Variants in KCNMA1 observed in about 807,000 individuals in gnomAD.
KCNMA1 encodes potassium calcium-activated channel subfamily M alpha 1.
KCNMA1 carries 29 observed loss-of-function variants against 140.0 expected under a neutral mutation model. The ratio of observed to expected loss-of-function variants is 0.21; its 90% CI spans 0.15 to 0.28. KCNMA1 has a LOEUF of 0.28. Ranked by LOEUF, KCNMA1 falls within the 10% of genes least tolerant of loss-of-function variation. The probability of loss-of-function intolerance (pLI) is 1.00; values close to 1 mark genes in which losing one functional copy is unlikely to be tolerated. For synonymous variants in KCNMA1, 612 were observed against 611.9 expected (o/e 1.00, Z 0.00); for missense variants, 880 against 1,602.2 (o/e 0.55, Z 7.70).
chr10:77,020,573 G>A (rs1029005230), intron 16 of KCNMA1: 6 of 152,190 alleles, frequency 3.9e-5, no homozygotes, highest in African/African-American at 9.7e-5. Context: ...CTAATAGCAC[G>A]GCCTGCACTG....
At chr10:77,344,789 A>AT (rs1006926287) in intron 2 of KCNMA1, among the ~76,000 whole-genome samples, 3 of 151,958 alleles carry the variant, frequency 2.0e-5, no homozygotes, top group African/African-American at 2.4e-5. Context: ...TTGATTTATT[A>AT]TTTTTTTATA....
At chr10:77,488,237 G>T (rs955828769) in intron 1 of KCNMA1, among the ~76,000 whole-genome samples, 1 of 152,192 alleles carries the variant, frequency 6.6e-6, no homozygotes, top group African/African-American at 2.4e-5. Flanking sequence ...TGTGGCTGTG[G>T]CCAGCTGACT....
intron 14 of KCNMA1, among the ~76,000 whole-genome samples, chr10:77,047,036 G>A (rs190923878): frequency 6.6e-6 from 1 of 152,326 alleles, no homozygotes; most frequent in East Asian, 1.9e-4. Context: ...TCTGAAAGTT[G>A]CTTGGATTTC....
chr10:77,251,565 G>C (rs1485981244), intron 2 of KCNMA1, among the ~76,000 whole-genome samples: 3 of 152,140 alleles, frequency 2.0e-5, no homozygotes, highest in Non-Finnish European at 4.4e-5. Context: ...ATAAACTTCA[G>C]TGGGAAAAAA....
intron 17 of KCNMA1, among the ~76,000 whole-genome samples, chr10:77,017,634 G>T (rs2092302513): frequency 6.6e-6 from 1 of 152,148 alleles, no homozygotes; most frequent in Admixed American, 6.6e-5. Context: ...AGCCAGTATG[G>T]CTTAGTTTGC....
chr10:77,303,837 T>C (rs868758777), intron 2 of KCNMA1, among the ~76,000 whole-genome samples: 24 of 152,244 alleles, frequency 1.6e-4, no homozygotes, highest in Admixed American at 3.3e-4. Flanking sequence ...ACTGTTTCTC[T>C]TTATCAGCAA....
chr10:77,054,559 C>G (rs996337143), intron 14 of KCNMA1, among the ~76,000 whole-genome samples: 1 of 152,104 alleles, frequency 6.6e-6, no homozygotes, highest in African/African-American at 2.4e-5. Context: ...AGTGATGACT[C>G]TTATTCATAG....
chr10:76,873,841 C>T (rs985558169), downstream of KCNMA1: 24 of 152,074 alleles, frequency 1.6e-4, no homozygotes, highest in African/African-American at 5.8e-4. Flanking sequence ...ATGTAAGTAG[C>T]TAAGAGATGG....
intron 16 of KCNMA1, among the ~76,000 whole-genome samples, chr10:77,022,003 A>T (rs1197910161): frequency 6.6e-6 from 1 of 152,230 alleles, no homozygotes; most frequent in Non-Finnish European, 1.5e-5. Context: ...TAAAATGCTA[A>T]TCCCCGTCTT....
chr10:76,999,002 CCT>C (rs1444115042), intron 19 of KCNMA1, among the ~76,000 whole-genome samples: 4 of 152,176 alleles, frequency 2.6e-5, no homozygotes, highest in Admixed American at 2.0e-4. Flanking sequence ...CAAATCGCCC[CCT>C]GAGCTGTCAA....
At chr10:77,627,982 C>A (rs912647427) in intron 1 of KCNMA1, among the ~76,000 whole-genome samples, 1 of 152,130 alleles carries the variant, frequency 6.6e-6, no homozygotes, top group South Asian at 2.1e-4. Context: ...AACCTGAAGC[C>A]CCCAGCCAGC....
At chr10:76,906,556 A>T (rs1281701663) in intron 25 of KCNMA1, among the ~76,000 whole-genome samples, 4 of 152,230 alleles carry the variant, frequency 2.6e-5, no homozygotes, top group Non-Finnish European at 5.9e-5. Flanking sequence ...GAGAATGTTT[A>T]GACACATGAT....
At chr10:77,367,246 T>C (rs921456691) in intron 2 of KCNMA1, among the ~76,000 whole-genome samples, 1 of 152,176 alleles carries the variant, frequency 6.6e-6, no homozygotes, top group South Asian at 2.1e-4. Context: ...GCAGAGAATA[T>C]ACACTGCTGT....
At chr10:77,112,817 T>A (rs757870940) in intron 6 of KCNMA1, among the ~76,000 whole-genome samples, 1 of 151,552 alleles carries the variant, frequency 6.6e-6, no homozygotes, top group South Asian at 2.1e-4. Flanking sequence ...CCGCCCTTTT[T>A]TCTTCTCTTC....
intron 1 of KCNMA1, chr10:77,635,076 C>T (rs1444243419): frequency 6.6e-6 from 1 of 152,198 alleles, no homozygotes; most frequent in Non-Finnish European, 1.5e-5. Context: ...CAACTCACTT[C>T]CAGTTATGTC....
intron 3 of KCNMA1, among the ~76,000 whole-genome samples, chr10:77,191,769 G>A (rs1350255315): frequency 6.6e-6 from 1 of 152,034 alleles, no homozygotes; most frequent in Non-Finnish European, 1.5e-5. Context: ...TGACTCTAAT[G>A]TAAATAGAAA....
chr10:77,004,730 C>T (rs1393098529), intron 18 of KCNMA1, among the ~76,000 whole-genome samples: 1 of 152,086 alleles, frequency 6.6e-6, no homozygotes, highest in African/African-American at 2.4e-5. Context: ...AATTACCACC[C>T]CTCATCTCTC....
At chr10:77,535,774 G>T (rs984106701) in intron 1 of KCNMA1, among the ~76,000 whole-genome samples, 3 of 152,322 alleles carry the variant, frequency 2.0e-5, no homozygotes, top group Non-Finnish European at 2.9e-5. Context: ...ATTATGTTAA[G>T]TGAAATAAGC....
chr10:77,048,982 T>C (rs1243972472), intron 14 of KCNMA1, among the ~76,000 whole-genome samples: 2 of 152,076 alleles, frequency 1.3e-5, no homozygotes, highest in East Asian at 3.9e-4. Flanking sequence ...GCCAAGATGG[T>C]CTCGATCTCC....
Sources: gnomAD v4.1 joint callset for allele counts (sites outside exome capture counted in the v4.1 genomes callset) on GRCh38, gnomAD v4.1.1 for gene constraint, MANE v1.5 for transcripts, NCBI Gene and HGNC (gene_info 2026-07-23, HGNC 2026-07-21) for gene names.